SRGAP1: variants seen among roughly 807,000 people sequenced by gnomAD.
SRGAP1 encodes the protein SLIT-ROBO Rho GTPase activating protein 1.
Under a neutral mutation model 121.9 loss-of-function variants are expected in SRGAP1, and 43 were observed. That is an observed-to-expected ratio of 0.35 (90% CI 0.28 to 0.46). The LOEUF is 0.46. Among genes scored for constraint, SRGAP1 ranks in the 20% least tolerant of loss-of-function variants. The pLI, the probability that SRGAP1 is intolerant of heterozygous loss-of-function variation, is 1.00. For synonymous variants in SRGAP1, 447 were observed against 485.4 expected, an observed-to-expected ratio of 0.92 and a Z score of 1.04; for missense variants, 1,102 against 1,350.9, an observed-to-expected ratio of 0.82 and a Z score of 2.89.
At chr12:64,054,877 T>G in intron 6 of SRGAP1, among the ~76,000 whole-genome samples, 1 of 115,644 alleles carries the variant, frequency 8.6e-6, no homozygotes, top group Non-Finnish European at 1.8e-5. Flanking sequence ...CCCAATGCTA[T>G]CCCTCCCCCC....
chr12:64,112,106 G>A (rs966981891), intron 17 of SRGAP1, 120 bp downstream of exon 17: 18 of 769,916 alleles, frequency 2.3e-5, no homozygotes, highest in Non-Finnish European at 3.3e-5. Context: ...AAAGGAAGAA[G>A]CAGTAAAACT....
At chr12:63,927,179 A>G (rs1461401912) in intron 1 of SRGAP1, among the ~76,000 whole-genome samples, 1 of 152,130 alleles carries the variant, frequency 6.6e-6, no homozygotes, top group Non-Finnish European at 1.5e-5. Flanking sequence ...ACTTGAATAG[A>G]TTCTACTCCC....
intron 1 of SRGAP1, among the ~76,000 whole-genome samples, chr12:63,875,744 T>G (rs1048593320): frequency 1.3e-5 from 2 of 152,226 alleles, no homozygotes; most frequent in African/African-American, 4.8e-5. Context: ...CCGTAATTCT[T>G]TGTAAGAACG....
chr12:63,971,463 T>C (rs2032945195), intron 1 of SRGAP1, among the ~76,000 whole-genome samples: 1 of 152,246 alleles, frequency 6.6e-6, no homozygotes, highest in Non-Finnish European at 1.5e-5. Context: ...CTAGACATTG[T>C]TTAATGAACA....
chr12:64,132,422 C>T (rs1404597771), intron 21 of SRGAP1, among the ~76,000 whole-genome samples: 1 of 152,174 alleles, frequency 6.6e-6, no homozygotes, highest in Non-Finnish European at 1.5e-5. Context: ...AAACTGGCAG[C>T]CTTTTGAGTC....
At chr12:63,914,246 T>C (rs1185274543) in intron 1 of SRGAP1, among the ~76,000 whole-genome samples, 2 of 152,218 alleles carry the variant, frequency 1.3e-5, no homozygotes, top group African/African-American at 4.8e-5. Context: ...TAAGGATAGT[T>C]GAACCCGGCT....
chr12:64,065,084 G>T, intron 7 of SRGAP1, 34 bp from the exon 8 acceptor site: 1 of 1,548,314 alleles, frequency 6.5e-7, no homozygotes, highest in Non-Finnish European at 8.9e-7. Context: ...GGTTGATGGT[G>T]CCCTGTTGTA....
chr12:63,889,890 A>G (rs1900519819), intron 1 of SRGAP1, among the ~76,000 whole-genome samples: 2 of 152,046 alleles, frequency 1.3e-5, no homozygotes, highest in South Asian at 4.1e-4. Context: ...CCTGGGTGAC[A>G]GAGCGAGACT....
chr12:63,897,752 C>A (rs1461727076), intron 1 of SRGAP1, among the ~76,000 whole-genome samples: 1 of 152,106 alleles, frequency 6.6e-6, no homozygotes, highest in East Asian at 1.9e-4. Context: ...TGTCTTTATT[C>A]GGAAGCTCAA....
intron 1 of SRGAP1, among the ~76,000 whole-genome samples, chr12:63,936,176 T>G (rs117990270): frequency 2.0e-5 from 3 of 152,138 alleles, no homozygotes; most frequent in Admixed American, 6.5e-5. Flanking sequence ...GTAAGTACAA[T>G]AAGAGATACA....
rs1407726823 is a variant in SRGAP1, at chr12:64,145,836, GAGGTGTTCTGCCC to G, written c.*3165_*3177del. The G allele has an allele frequency of 6.6e-6, 1 of 152,180 alleles. No homozygotes were observed. Among genetic ancestry groups the G allele is most frequent in the Non-Finnish European group, 1.5e-5 (1 of 68,060 alleles). 9.4% of individuals were successfully genotyped at this position (152,180 alleles called of 1,614,324 possible). A position where few individuals can be genotyped will look rare whatever the true frequency, so the allele number is the denominator to read the frequency against. On this transcript the variant is annotated 3_prime_UTR_variant, in exon 22 of 22. Coordinates refer to ENST00000355086, the MANE Select transcript of SRGAP1 (RefSeq NM_020762.4). ...GAGAGAAGAAGGATAATGAGGCCTT[GAGGTGTTCTGCCC>G]CCAATTTCAAGGAGCTTATCAGGCT... is the stretch of plus-strand genomic sequence containing the variant.
At chr12:63,978,297 A>G (rs1340716121) in intron 1 of SRGAP1, among the ~76,000 whole-genome samples, 1 of 152,260 alleles carries the variant, frequency 6.6e-6, no homozygotes, top group Admixed American at 6.5e-5. Context: ...TTTTGCGACC[A>G]GAGCCACAAT....
At chr12:64,057,409 T>C (rs1159971472) in intron 6 of SRGAP1, among the ~76,000 whole-genome samples, 1 of 152,194 alleles carries the variant, frequency 6.6e-6, no homozygotes, top group African/African-American at 2.4e-5. Flanking sequence ...AAGATGCCTG[T>C]CTCTCACAAA....
intron 1 of SRGAP1, among the ~76,000 whole-genome samples, chr12:63,969,046 C>G (rs2032863380): frequency 6.6e-6 from 1 of 152,204 alleles, no homozygotes; most frequent in Non-Finnish European, 1.5e-5. Flanking sequence ...GTGTGGAAAG[C>G]TTTTGGTCTT....
chr12:63,951,152 CTTTTTTTTTTTTTTTTTT>C (rs58637983), intron 1 of SRGAP1, among the ~76,000 whole-genome samples: 2 of 44,142 alleles, frequency 4.5e-5, no homozygotes, highest in Non-Finnish European at 8.1e-5. Context: ...ATTTAGAACT[CTTTTTTTTTTTTTTTTTT>C]TTTTTTTTTT....
In SRGAP1 at chr12:64,009,464, C is replaced by T. The variant is rs74850621; in HGVS notation, c.427-7486C>T. Among the ~76,000 whole-genome samples the T allele has an allele frequency of 9.7e-3, 1,483 of 152,196 alleles. 32 individuals carry two copies. Among genetic ancestry groups the T allele is most frequent in the African/African-American group, 0.033 (1,354 of 41,492 alleles). On this transcript the variant is annotated intron_variant, in intron 3 of 21. Coordinates refer to ENST00000355086, the MANE Select transcript of SRGAP1 (RefSeq NM_020762.4). ...TCTCAGTCTTGAGTTACTTAATCAGCCCATTCAAATACTGTTTATATGTGG... is the reference window on the plus strand; with the variant it reads ...TCTCAGTCTTGAGTTACTTAATCAGTCCATTCAAATACTGTTTATATGTGG...
chr12:63,845,884 C>T (rs564704760), intron 1 of SRGAP1, among the ~76,000 whole-genome samples: 2 of 152,240 alleles, frequency 1.3e-5, no homozygotes, highest in South Asian at 4.2e-4. Context: ...TTTATCTATG[C>T]ACAGTCTTAT....
chr12:63,978,863 CT>C (rs146319720), intron 1 of SRGAP1, among the ~76,000 whole-genome samples: 1 of 152,184 alleles, frequency 6.6e-6, no homozygotes. Flanking sequence ...TCTTCCAACA[CT>C]TTTTTTAAAT....
chr12:63,871,032 A>T lies in SRGAP1; in HGVS notation c.67+26149A>T, dbSNP rs940601314. Among the ~76,000 whole-genome samples, 6 of 152,168 alleles carry T rather than the reference A, an allele frequency of 3.9e-5. No homozygotes were observed. In the South Asian group the frequency reaches 1.2e-3, roughly 32 times the overall value. On this transcript the variant is annotated intron_variant, in intron 1 of 21. Coordinates refer to ENST00000355086, the MANE Select transcript of SRGAP1 (RefSeq NM_020762.4). Reference sequence around the variant, plus strand: ...AGCCACTTGACACAGGCCCCACCTCAGGCCCCCAGATTTGCATTTGTAACG... The same window carrying T: ...AGCCACTTGACACAGGCCCCACCTCTGGCCCCCAGATTTGCATTTGTAACG...
Sources: gnomAD v4.1 joint callset for allele counts (sites outside exome capture counted in the v4.1 genomes callset) on GRCh38, gnomAD v4.1.1 for gene constraint, MANE v1.5 for transcripts, NCBI Gene and HGNC (gene_info 2026-07-23, HGNC 2026-07-21) for gene names.